The following MYO3B variants were observed in gnomAD, a reference collection of about 807,000 sequenced individuals.
MYO3B encodes the protein myosin IIIB, also known as myosin-IIIb.
In MYO3B, 156 loss-of-function variants were observed where a neutral mutation model predicts 174.6. That is an observed-to-expected ratio of 0.89 (90% confidence interval 0.78 to 1.02). The LOEUF (loss-of-function observed/expected upper bound fraction) is 1.02. MYO3B is among the 50% of genes least tolerant of loss of function. The pLI is 0.00. For missense variants in MYO3B, 1,632 were observed against 1,639.4 expected (o/e 1.00, Z 0.08); for synonymous variants, 563 against 569.1 (o/e 0.99, Z 0.15).
At chr2:170,584,710 A>G (rs1693387537) in intron 32 of MYO3B, among the ~76,000 whole-genome samples, 1 of 152,358 alleles carries the variant, frequency 6.6e-6, no homozygotes, top group African/African-American at 2.4e-5. Context: ...CTTAATAGCT[A>G]CATTATTTCA....
chr2:170,651,758 C>A, intron 33 of MYO3B, 24 bp downstream of exon 33: 1 of 1,577,356 alleles, frequency 6.3e-7, no homozygotes, highest in Non-Finnish European at 8.7e-7. Flanking sequence ...GGCCGTAAAG[C>A]TGTTTCACTG....
intron 7 of MYO3B, among the ~76,000 whole-genome samples, chr2:170,312,655 T>C (rs1434270834): frequency 6.6e-6 from 1 of 152,264 alleles, no homozygotes. Flanking sequence ...GAAATGTTTA[T>C]TTTGCAATTA....
At chr2:170,344,639 G>A (rs1364628710) in intron 8 of MYO3B, 1 of 152,160 alleles carries the variant, frequency 6.6e-6, no homozygotes, top group Non-Finnish European at 1.5e-5. Context: ...TAAGTAAAGG[G>A]GAGAGTGTCT....
At chr2:170,474,738 C>G (rs1328307644) in intron 25 of MYO3B, among the ~76,000 whole-genome samples, 1 of 78,546 alleles carries the variant, frequency 1.3e-5, no homozygotes, top group African/African-American at 5.3e-5. Flanking sequence ...AGTGAAACTC[C>G]GTCTCAAAAA....
intron 32 of MYO3B, among the ~76,000 whole-genome samples, chr2:170,649,740 T>C (rs111613582): frequency 0.12 from 16,750 of 144,166 alleles, 1,070 homozygotes; most frequent in African/African-American, 0.14. Flanking sequence ...GGCAGGAGAA[T>C]AGCTTGAACC....
intron 7 of MYO3B, among the ~76,000 whole-genome samples, chr2:170,270,646 C>T (rs146093332): frequency 6.1e-4 from 93 of 152,248 alleles, no homozygotes; most frequent in African/African-American, 2.1e-3. Flanking sequence ...GTATAGAAGC[C>T]CTCCATTGCC....
At chr2:170,349,345 C>T (rs1054798795) in intron 8 of MYO3B, among the ~76,000 whole-genome samples, 1 of 152,140 alleles carries the variant, frequency 6.6e-6, no homozygotes, top group Non-Finnish European at 1.5e-5. Flanking sequence ...ACGTCTGTCT[C>T]CCCACTCAAA....
chr2:170,500,518 T>C (rs771061477), intron 27 of MYO3B, among the ~76,000 whole-genome samples: 15 of 152,228 alleles, frequency 9.9e-5, no homozygotes, highest in Non-Finnish European at 1.6e-4. Context: ...CTTCCCTGCA[T>C]TTGCTGCTAC....
intron 8 of MYO3B, among the ~76,000 whole-genome samples, chr2:170,361,810 A>G (rs72874521): frequency 0.16 from 24,254 of 152,108 alleles, 2,105 homozygotes; most frequent in Middle Eastern, 0.24. Flanking sequence ...TGTCTATAGT[A>G]TAGTCTCCTT....
At chr2:170,220,569 C>A (rs1369611376) in intron 6 of MYO3B, among the ~76,000 whole-genome samples, 1 of 141,918 alleles carries the variant, frequency 7.0e-6, no homozygotes, top group Non-Finnish European at 1.5e-5. Flanking sequence ...GCAGAGCTTG[C>A]AGTGAGCCAA....
intron 7 of MYO3B, among the ~76,000 whole-genome samples, chr2:170,333,332 G>A (rs1273791965): frequency 6.6e-6 from 1 of 152,134 alleles, no homozygotes; most frequent in Non-Finnish European, 1.5e-5. Flanking sequence ...AAAGATGAAG[G>A]CATATGTTGT....
chr2:170,294,839 G>A (rs1308157518), intron 7 of MYO3B, among the ~76,000 whole-genome samples: 1 of 152,076 alleles, frequency 6.6e-6, no homozygotes, highest in Admixed American at 6.5e-5. Flanking sequence ...CCACTCTGGT[G>A]GAAGATATTG....
intron 32 of MYO3B, among the ~76,000 whole-genome samples, chr2:170,567,820 G>A (rs972019106): frequency 2.0e-5 from 3 of 152,200 alleles, no homozygotes; most frequent in African/African-American, 4.8e-5. Context: ...AAAGTTTGAT[G>A]AAATTTAGAC....
At chr2:170,591,327 G>T (rs1344941673) in intron 32 of MYO3B, among the ~76,000 whole-genome samples, 1 of 152,152 alleles carries the variant, frequency 6.6e-6, no homozygotes, top group Non-Finnish European at 1.5e-5. Context: ...CTGTATTAAA[G>T]GTTCATAGAC....
intron 32 of MYO3B, among the ~76,000 whole-genome samples, chr2:170,605,614 T>C (rs6753405): frequency 0.19 from 29,183 of 152,038 alleles, 3,506 homozygotes; most frequent in African/African-American, 0.33. Context: ...TCCCAGCACT[T>C]TGGGAGGCGA....
In MYO3B at chr2:170,454,372, T is replaced by C. The variant is rs115286613; in HGVS notation, c.2731-8996T>C. 3.2e-3 allele frequency among the ~76,000 whole-genome samples: 490 copies of C among 152,194 alleles called. 5 individuals carry two copies. The highest frequency in any genetic ancestry group is 0.011 in the African/African-American group (461 of 41,536). ...GGCTACAGCTACAGACACTCCAAGA[T>C]TGGGCTACAGACAGAGACACACCCT... On this transcript the variant is annotated intron_variant, in intron 23 of 34. Coordinates refer to ENST00000408978, the MANE Select transcript of MYO3B (RefSeq NM_138995.5).
intron 1 of MYO3B, among the ~76,000 whole-genome samples, chr2:170,198,550 C>A (rs550206276): frequency 6.6e-6 from 1 of 152,250 alleles, no homozygotes; most frequent in South Asian, 2.1e-4. Flanking sequence ...TTCAGCAGTT[C>A]AGTAGTTTTG....
At chr2:170,627,744 C>CTACTCCTTTG (rs1696577544) in intron 32 of MYO3B, among the ~76,000 whole-genome samples, 6 of 147,702 alleles carry the variant, frequency 4.1e-5, no homozygotes, top group Non-Finnish European at 7.7e-5. Flanking sequence ...GATGTCCTTT[C>CTACTCCTTTG]TGTTTGTTAG....
intron 8 of MYO3B, among the ~76,000 whole-genome samples, chr2:170,355,220 C>G (rs954288843): frequency 3.9e-5 from 6 of 152,180 alleles, no homozygotes; most frequent in African/African-American, 1.4e-4. Flanking sequence ...AAAATCCTAC[C>G]TTGCATAAAA....
Sources: allele counts gnomAD v4.1 joint callset (sites outside exome capture counted in the v4.1 genomes callset), GRCh38; gene constraint gnomAD v4.1.1; transcripts MANE v1.5; gene names NCBI Gene and HGNC (gene_info 2026-07-23, HGNC 2026-07-21).